The following CNTNAP2 variants were observed in gnomAD, a reference collection of about 807,000 sequenced individuals.
CNTNAP2 encodes the protein contactin associated protein 2, also known as contactin-associated protein-like 2.
Under a neutral mutation model 155.2 loss-of-function variants are expected in CNTNAP2, and 98 were observed. The observed-to-expected ratio is 0.63, with a 90% CI of 0.54 to 0.75. The LOEUF is 0.75. CNTNAP2 is among the 30% of genes least tolerant of loss of function. CNTNAP2 has a pLI of 0.00. For synonymous variants in CNTNAP2, 651 were observed against 631.2 expected, an observed-to-expected ratio of 1.03 and a Z score of -0.47; for missense variants, 1,727 against 1,688.1, an observed-to-expected ratio of 1.02 and a Z score of -0.40.
At chr7:146,231,342 G>A (rs1799381585) in intron 1 of CNTNAP2, among the ~76,000 whole-genome samples, 1 of 152,210 alleles carries the variant, frequency 6.6e-6, no homozygotes, top group East Asian at 1.9e-4. Context: ...GAGTGAACCT[G>A]TTTTCCTTCA....
At chr7:147,453,637 C>T (rs1017663365) in intron 10 of CNTNAP2, among the ~76,000 whole-genome samples, 16 of 152,266 alleles carry the variant, frequency 1.1e-4, no homozygotes, top group Admixed American at 9.8e-4. Context: ...CAGTAACACT[C>T]GTGTAAGTGA....
intron 21 of CNTNAP2, among the ~76,000 whole-genome samples, chr7:148,350,922 C>A (rs1798415147): frequency 6.6e-6 from 1 of 152,172 alleles, no homozygotes; most frequent in African/African-American, 2.4e-5. Context: ...AATGGGGATC[C>A]TGCTGATTGT....
At chr7:147,630,316 T>TAAAAAAAAAAAAAAAAAAAAAAAGAAA (rs1795063293) in intron 12 of CNTNAP2, among the ~76,000 whole-genome samples, 1 of 73,078 alleles carries the variant, frequency 1.4e-5, no homozygotes, top group Non-Finnish European at 2.9e-5. Context: ...GAAACAGTAG[T>TAAAAAAAAAAAAAAAAAAAAAAAGAAA]AAAAAAAAAA....
chr7:146,450,020 T>G (rs1016291705), intron 1 of CNTNAP2, among the ~76,000 whole-genome samples: 1 of 152,224 alleles, frequency 6.6e-6, no homozygotes, highest in African/African-American at 2.4e-5. Flanking sequence ...CCCGTGTTCC[T>G]CAGTATATCC....
intron 8 of CNTNAP2, among the ~76,000 whole-genome samples, chr7:147,188,482 C>G (rs765460493): frequency 6.6e-6 from 1 of 152,110 alleles, no homozygotes; most frequent in Non-Finnish European, 1.5e-5. Context: ...AAGTAGCAAA[C>G]AAGAATTATA....
At chr7:148,255,681 AC>A (rs1350449742) in intron 20 of CNTNAP2, among the ~76,000 whole-genome samples, 1 of 152,224 alleles carries the variant, frequency 6.6e-6, no homozygotes, top group African/African-American at 2.4e-5. Flanking sequence ...TGATTACATT[AC>A]CATAATAACA....
rs189679044 is a variant in CNTNAP2 at position 146,479,486 on chromosome 7, C to T, written c.98-294785C>T. 3.3e-5 allele frequency among the ~76,000 whole-genome samples: 5 copies of T among 152,040 alleles called. No homozygotes were observed. The East Asian group carries it at 7.7e-4, about 24-fold the overall frequency. ...TTATAACAGTTTTATGAATTTAAAA[C>T]AGTTGCTTTATTATAAAAATGATGT... On this transcript the variant is annotated intron_variant, in intron 1 of 23. Coordinates refer to ENST00000361727, the MANE Select transcript of CNTNAP2 (RefSeq NM_014141.6).
At chr7:148,100,622 T>C (rs1804078418) in intron 15 of CNTNAP2, among the ~76,000 whole-genome samples, 2 of 152,230 alleles carry the variant, frequency 1.3e-5, no homozygotes, top group South Asian at 2.1e-4. Context: ...CTTAACAACA[T>C]ACAATGGACA....
intron 13 of CNTNAP2, among the ~76,000 whole-genome samples, chr7:147,863,394 G>A (rs1799169230): frequency 6.6e-6 from 1 of 152,134 alleles, no homozygotes. Flanking sequence ...AAACATACGT[G>A]TGCATGTGTC....
At chr7:147,733,200 C>G (rs1011374006) in intron 13 of CNTNAP2, among the ~76,000 whole-genome samples, 10 of 152,094 alleles carry the variant, frequency 6.6e-5, no homozygotes, top group African/African-American at 1.2e-4. Context: ...ATCTTGAATT[C>G]ATTTTTGTAT....
chr7:148,236,950 A>G (rs1293732588), intron 20 of CNTNAP2, among the ~76,000 whole-genome samples: 1 of 152,230 alleles, frequency 6.6e-6, no homozygotes, highest in African/African-American at 2.4e-5. Context: ...CTCTGCTTCC[A>G]TGATCCCATC....
chr7:147,221,449 C>T (rs954121920), intron 8 of CNTNAP2, among the ~76,000 whole-genome samples: 3 of 152,068 alleles, frequency 2.0e-5, no homozygotes, highest in Non-Finnish European at 4.4e-5. Context: ...TGCTGGGCTG[C>T]AGCTGAGAGT....
intron 1 of CNTNAP2, among the ~76,000 whole-genome samples, chr7:146,563,034 C>G (rs1008727852): frequency 6.6e-6 from 1 of 152,148 alleles, no homozygotes. Context: ...GAGAAATCAA[C>G]TTGTCCAAGG....
chr7:147,874,215 CA>C (rs1434658792), intron 13 of CNTNAP2, among the ~76,000 whole-genome samples: 1 of 152,232 alleles, frequency 6.6e-6, no homozygotes, highest in Non-Finnish European at 1.5e-5. Context: ...TGCAGTGCCC[CA>C]GTGGGAACTC....
chr7:146,726,629 T>G (rs1585061399), intron 1 of CNTNAP2, among the ~76,000 whole-genome samples: 1 of 152,278 alleles, frequency 6.6e-6, no homozygotes, highest in Admixed American at 6.5e-5. Context: ...TTAATAAATT[T>G]TACTCAGCCA....
At chr7:147,545,841 G>A (rs1799719468) in intron 11 of CNTNAP2, among the ~76,000 whole-genome samples, 1 of 152,142 alleles carries the variant, frequency 6.6e-6, no homozygotes. Flanking sequence ...GTTGTAGAGG[G>A]ACCCAGTGGG....
chr7:146,386,235 C>T (rs1330176347), intron 1 of CNTNAP2, among the ~76,000 whole-genome samples: 1 of 152,062 alleles, frequency 6.6e-6, no homozygotes, highest in Non-Finnish European at 1.5e-5. Context: ...CTCATCCCTC[C>T]TCCCCTCCAT....
chr7:147,162,113 A>G (rs1356475406), intron 8 of CNTNAP2: 3 of 152,074 alleles, frequency 2.0e-5, no homozygotes, highest in East Asian at 1.9e-4. Flanking sequence ...CTTTTTGCAC[A>G]CTCACAAATA....
At chr7:146,643,090 T>A (rs2129161746) in intron 1 of CNTNAP2, among the ~76,000 whole-genome samples, 1 of 148,490 alleles carries the variant, frequency 6.7e-6, no homozygotes, top group Middle Eastern at 3.4e-3. Context: ...TTGGGAAAAT[T>A]TTCTCCCATT....
Sources: gnomAD v4.1 joint callset for allele counts (sites outside exome capture counted in the v4.1 genomes callset) on GRCh38, gnomAD v4.1.1 for gene constraint, MANE v1.5 for transcripts, NCBI Gene and HGNC (gene_info 2026-07-23, HGNC 2026-07-21) for gene names.